Variants in APCDD1L observed in about 807,000 individuals in gnomAD.
The protein encoded by APCDD1L is APC down-regulated 1 like, also known as protein APCDD1-like.
Under a neutral mutation model 24.2 loss-of-function variants are expected in APCDD1L, and 21 were observed. That is an observed-to-expected ratio of 0.87 (90% CI 0.61 to 1.25). The LOEUF is 1.25. APCDD1L is among the 50% of genes most tolerant of loss of function. The pLI is 0.00. For missense variants in APCDD1L, 704 were observed against 711.7 expected, an observed-to-expected ratio of 0.99 and a Z score of 0.12; for synonymous variants, 321 against 323.6, an observed-to-expected ratio of 0.99 and a Z score of 0.09.
rs756574800 is a variant in APCDD1L at position 58,467,242 on chromosome 20, T to A, written c.605A>T (p.Gln202Leu). ...TMHELSLVRV[Q>L]RRLQPQPRAS... is the part of the protein sequence containing the mutation. ...CCGGGGCTGCGGCTGCAGGCGGCGC[T>A]GCACGCGGACCAGGCTGAGCTCGTG... Residue 202 changes from glutamine to leucine, a missense_variant, in exon 3 of 4, where the codon CAG becomes CTG. By Grantham distance (113) the Gln-to-Leu change is moderately radical (BLOSUM62 -2). Transcript: ENST00000371149. The surrounding 1 kb of genome is among the most constrained non-coding windows in gnomAD (Gnocchi z 5.9). 5.0e-6 allele frequency: 8 copies of A among 1,590,824 alleles called. No homozygotes were observed. Among genetic ancestry groups the A allele is most frequent in the Non-Finnish European group, 6.8e-6 (8 of 1,174,318 alleles).
At chr20:58,486,335 G>A (rs1286451684) in intron 1 of APCDD1L, among the ~76,000 whole-genome samples, 1 of 152,160 alleles carries the variant, frequency 6.6e-6, no homozygotes, top group African/African-American at 2.4e-5. Flanking sequence ...GAACTTAGTG[G>A]CTGGTTCAGG....
At position 58,477,348 on chromosome 20, in the gene APCDD1L, C is replaced by T. The variant is rs186438787; in HGVS notation, c.50-6601G>A. Among the ~76,000 whole-genome samples the T allele has an allele frequency of 1.3e-3, 192 of 152,342 alleles. 8 individuals are homozygous for T. In the South Asian group the frequency reaches 0.024, roughly 19 times the overall value. The stretch of plus-strand genomic sequence containing the variant: ...ACATATCTTCTCTTTTTGTCTTCTA[C>T]GACTTTGACACTTTTGAAGAGTAGT... On this transcript the variant is annotated intron_variant, in intron 1 of 3. Coordinates refer to ENST00000371149, the MANE Select transcript of APCDD1L (RefSeq NM_153360.3).
At chr20:58,480,582 G>A (rs1005156140) in intron 1 of APCDD1L, among the ~76,000 whole-genome samples, 4 of 152,202 alleles carry the variant, frequency 2.6e-5, no homozygotes, top group East Asian at 3.9e-4. Flanking sequence ...TGCGTATGAG[G>A]AAGCGGCTGG....
chr20:58,467,170 G>T lies in APCDD1L; in HGVS notation c.677C>A (p.Thr226Asn). The change falls in exon 3 of 4, where the codon ACC becomes AAC. Residue 226 changes from threonine to asparagine, a missense_variant. Transcript: ENST00000371149. The surrounding 1 kb of genome is among the most constrained non-coding windows in gnomAD (Gnocchi z 5.9). ...GTAGTGCCGCCTCTCCGCCGGGTCGGTGTGGATGTCCCCCAGGTACAGCTC... is the reference window on the plus strand; with the variant it reads ...GTAGTGCCGCCTCTCCGCCGGGTCGTTGTGGATGTCCCCCAGGTACAGCTC... ...VEELYLGDIH[T>N]DPAERRHYRP... is the part of the protein sequence containing the mutation. 6.2e-7 allele frequency: 1 copy of T among 1,607,540 alleles called. No homozygotes were observed. The highest frequency in any genetic ancestry group is 1.1e-5 in the South Asian group (1 of 91,040).
rs545573193 is a variant in APCDD1L at position 58,514,067 on chromosome 20, G to A, written c.49+592C>T. 47 of 840,048 alleles carry A rather than the reference G, an allele frequency of 5.6e-5. No homozygotes were observed. The African/African-American group carries it at 7.7e-4, about 14-fold the overall frequency. The allele number at this position is 840,048 out of a possible 1,614,324, so 52.0% of individuals were successfully genotyped here. On this transcript the variant is annotated intron_variant, in intron 1 of 3. Transcript: ENST00000371149. ...CCCCACCCCCACGAAGAGCCACCAGGGAACCCCTTAGTCCTGGAGAAGGCA... is the reference window on the plus strand; with the variant it reads ...CCCCACCCCCACGAAGAGCCACCAGAGAACCCCTTAGTCCTGGAGAAGGCA...
intron 1 of APCDD1L, among the ~76,000 whole-genome samples, chr20:58,479,726 A>C (rs964944881): frequency 1.3e-5 from 2 of 151,968 alleles, no homozygotes; most frequent in Non-Finnish European, 2.9e-5. Flanking sequence ...AAATTTCAGC[A>C]ATGGCTCCCT....
Position 58,497,633 on chromosome 20 carries a change from A to C in APCDD1L, c.49+17026T>G, listed in dbSNP as rs536686444. 2.6e-5 allele frequency among the ~76,000 whole-genome samples: 4 copies of C among 152,148 alleles called. No homozygotes were observed. The highest frequency in any genetic ancestry group is 9.6e-5 in the African/African-American group (4 of 41,504). ...TCCCCTTTCTATGAGGATACTAGTC[A>C]TGCTGGATGAGGGCCCACCTGAATG... is the stretch of plus-strand genomic sequence containing the variant. On this transcript the variant is annotated intron_variant, in intron 1 of 3. Coordinates refer to ENST00000371149, the MANE Select transcript of APCDD1L (RefSeq NM_153360.3). The surrounding 1 kb of genome is among the most constrained non-coding windows in gnomAD (Gnocchi z 4.3).
intron 1 of APCDD1L, among the ~76,000 whole-genome samples, chr20:58,484,216 A>G (rs537506962): frequency 6.1e-4 from 93 of 152,244 alleles, no homozygotes; most frequent in Non-Finnish European, 5.0e-4. Flanking sequence ...TATGCCATAC[A>G]TAGGGCAAAA....
chr20:58,461,196 G>C lies in APCDD1L; in HGVS notation c.1100C>G (p.Thr367Ser). 2 of 1,613,564 alleles carry C rather than the reference G, an allele frequency of 1.2e-6. No individual in the cohort carries two copies. The highest frequency in any genetic ancestry group is 1.7e-6 in the Non-Finnish European group (2 of 1,179,832). ...CTCAGAGAAGTTGAGCATGGCCGTG[G>C]TGACCTGGTCCATGGGGGTCACATG... The part of the protein sequence containing the change: ...RAHVTPMDQV[T>S]TAMLNFSEPS... The change falls in exon 4 of 4, where the codon ACC (threonine) becomes AGC (serine). Residue 367 changes from threonine to serine, a missense_variant. Transcript: ENST00000371149. The surrounding 1 kb of genome is among the most constrained non-coding windows in gnomAD (Gnocchi z 6.0).
intron 2 of APCDD1L, among the ~76,000 whole-genome samples, chr20:58,468,158 T>C (rs1461165452): frequency 6.6e-6 from 1 of 152,086 alleles, no homozygotes; most frequent in Non-Finnish European, 1.5e-5. Context: ...CGGCAAACTT[T>C]TTCTGTAAAG....
chr20:58,511,240 C>T lies in APCDD1L; in HGVS notation c.49+3419G>A, dbSNP rs144993359. ...ATTCCAAAACCACCTTCCGTGCCAA[C>T]TTCAGAATTCACTTCCTTCTCAAGA... On this transcript the variant is annotated intron_variant, in intron 1 of 3. Transcript: ENST00000371149. Among the ~76,000 whole-genome samples the T allele has an allele frequency of 1.4e-3, 216 of 152,356 alleles. 1 individual carries two copies. Among genetic ancestry groups the T allele is most frequent in the African/African-American group, 5.0e-3 (208 of 41,586 alleles).
At chr20:58,463,512 G>A (rs956218045) in intron 3 of APCDD1L, among the ~76,000 whole-genome samples, 1 of 152,204 alleles carries the variant, frequency 6.6e-6, no homozygotes, top group Non-Finnish European at 1.5e-5. Context: ...ATGAGATACA[G>A]ATTTCTTCTT....
chr20:58,486,863 T>TTTTTTG, intron 1 of APCDD1L, among the ~76,000 whole-genome samples: 2 of 130,042 alleles, frequency 1.5e-5, no homozygotes, highest in African/African-American at 5.9e-5. Context: ...GGTTTTTTTT[T>TTTTTTG]TTTTTTTTTT....
intron 1 of APCDD1L, among the ~76,000 whole-genome samples, chr20:58,500,661 C>G (rs1172934640): frequency 6.6e-6 from 1 of 152,156 alleles, no homozygotes; most frequent in Non-Finnish European, 1.5e-5. Flanking sequence ...CCTTGTCTCT[C>G]CCTGTCCACC....
intron 1 of APCDD1L, among the ~76,000 whole-genome samples, chr20:58,496,707 T>C (rs1990329854): frequency 6.6e-6 from 1 of 151,982 alleles, no homozygotes; most frequent in South Asian, 2.1e-4. Context: ...GAGGCTCAGG[T>C]GAGCTGGGTG....
chr20:58,484,605 G>A (rs1199391540), intron 1 of APCDD1L, among the ~76,000 whole-genome samples: 4 of 152,086 alleles, frequency 2.6e-5, no homozygotes, highest in African/African-American at 9.7e-5. Context: ...TTTGTGGAAG[G>A]TTGATTTTGT....
intron 1 of APCDD1L, among the ~76,000 whole-genome samples, chr20:58,489,398 T>A (rs1195805808): frequency 6.7e-6 from 1 of 148,400 alleles, no homozygotes. Context: ...CAAAAAAAAA[T>A]TAGGGTCAGG....
At chr20:58,476,363 G>C (rs1349165499) in intron 1 of APCDD1L, among the ~76,000 whole-genome samples, 1 of 152,096 alleles carries the variant, frequency 6.6e-6, no homozygotes, top group Non-Finnish European at 1.5e-5. Flanking sequence ...GCTAATTTTT[G>C]TATTTTTAGT....
chr20:58,514,123 C>T (rs1298516853), intron 1 of APCDD1L: 1 of 385,024 alleles, frequency 2.6e-6, no homozygotes, highest in Non-Finnish European at 4.5e-6. Flanking sequence ...TCCTGAAGCC[C>T]CTTGGTCCCC....
Sources: allele counts gnomAD v4.1 joint callset (sites outside exome capture counted in the v4.1 genomes callset), GRCh38; gene constraint gnomAD v4.1.1; non-coding constraint Gnocchi (gnomAD v3.1); transcripts MANE v1.5; gene names NCBI Gene and HGNC (gene_info 2026-07-23, HGNC 2026-07-21).